The following MGAT4C variants were observed in gnomAD, a reference collection of about 807,000 sequenced individuals.
MGAT4C encodes MGAT4 family member C.
Under a neutral mutation model 40.1 loss-of-function variants are expected in MGAT4C, and 19 were observed. That is an observed-to-expected ratio of 0.47 (90% CI 0.33 to 0.70). The LOEUF is 0.70. Ranked by LOEUF, MGAT4C falls within the 30% of genes least tolerant of loss-of-function variation. MGAT4C has a pLI of 0.02. For synonymous variants in MGAT4C, 181 were observed against 187.1 expected, an observed-to-expected ratio of 0.97 and a Z score of 0.27; for missense variants, 491 against 563.2, an observed-to-expected ratio of 0.87 and a Z score of 1.30.
Position 85,983,507 on chromosome 12 carries a change from G to T in MGAT4C, c.295+16C>A. ...TATTTTATGTATTCTTTATTTAAAT[G>T]TTTAAGGATACTTACGCTTTCTTTG... On this transcript the variant is annotated intron_variant, in intron 4 of 4. Coordinates refer to ENST00000611864, the MANE Select transcript of MGAT4C (RefSeq NM_001351288.2). The T allele has an allele frequency of 6.6e-7, 1 of 1,523,526 alleles. No homozygotes were observed. The highest frequency in any genetic ancestry group is 8.8e-7 in the Non-Finnish European group (1 of 1,138,030). The allele number at this position is 1,523,526 out of a possible 1,614,324, so 94.4% of individuals were successfully genotyped here. A position where few individuals can be genotyped will look rare whatever the true frequency, so the allele number is the denominator to read the frequency against.
chr12:86,489,502 C>G (rs939833812), intron 2 of MGAT4C, among the ~76,000 whole-genome samples: 1 of 152,210 alleles, frequency 6.6e-6, no homozygotes, highest in African/African-American at 2.4e-5. Flanking sequence ...AGGCAAAGGG[C>G]CTATTGAGCT....
chr12:86,493,854 G>T (rs377527871), intron 2 of MGAT4C, among the ~76,000 whole-genome samples: 1 of 151,926 alleles, frequency 6.6e-6, no homozygotes, highest in African/African-American at 2.4e-5. Flanking sequence ...CAGCACCTGT[G>T]CTTATAGAAA....
At chr12:86,750,371 T>A (rs1951216050) in intron 1 of MGAT4C, among the ~76,000 whole-genome samples, 1 of 151,880 alleles carries the variant, frequency 6.6e-6, no homozygotes, top group South Asian at 2.1e-4. Context: ...TTGAATATCA[T>A]TAGTCACGGG....
chr12:86,277,076 A>G (rs556077474), intron 4 of MGAT4C, among the ~76,000 whole-genome samples: 2 of 152,144 alleles, frequency 1.3e-5, no homozygotes, highest in Non-Finnish European at 2.9e-5. Flanking sequence ...CCCTTTCTCT[A>G]TATCCTCTTT....
intron 4 of MGAT4C, among the ~76,000 whole-genome samples, chr12:86,265,965 C>T (rs193269073): frequency 6.6e-6 from 1 of 152,294 alleles, no homozygotes; most frequent in East Asian, 1.9e-4. Context: ...CATAGAAACA[C>T]TACTGATTTT....
intron 4 of MGAT4C, among the ~76,000 whole-genome samples, chr12:86,307,189 G>C (rs1372958703): frequency 7.3e-6 from 1 of 136,542 alleles, no homozygotes; most frequent in Non-Finnish European, 1.5e-5. Flanking sequence ...AAAAGGTTCT[G>C]CTAAATGTCT....
At chr12:86,632,306 G>A (rs187442737) in intron 2 of MGAT4C, among the ~76,000 whole-genome samples, 13 of 152,022 alleles carry the variant, frequency 8.6e-5, no homozygotes, top group Admixed American at 8.5e-4. Context: ...ACACTGTTGG[G>A]GGGACTGTAA....
intron 2 of MGAT4C, among the ~76,000 whole-genome samples, chr12:86,483,895 A>C (rs563110299): frequency 6.7e-6 from 1 of 149,684 alleles, no homozygotes; most frequent in South Asian, 2.2e-4. Context: ...TATCAAGTAC[A>C]CCAACATATT....
chr12:86,216,269 A>G (rs528059933), intron 1 of MGAT4C, among the ~76,000 whole-genome samples: 1 of 152,346 alleles, frequency 6.6e-6, no homozygotes, highest in Admixed American at 6.5e-5. Flanking sequence ...ATAGAATCAG[A>G]AACACCAAGA....
At chr12:86,502,448 C>A (rs545028617) in intron 2 of MGAT4C, among the ~76,000 whole-genome samples, 1 of 151,814 alleles carries the variant, frequency 6.6e-6, no homozygotes, top group African/African-American at 2.4e-5. Flanking sequence ...ATACAGTTGT[C>A]AAAATCCATA....
At chr12:86,382,065 T>C (rs541069904) in intron 3 of MGAT4C, among the ~76,000 whole-genome samples, 2 of 152,286 alleles carry the variant, frequency 1.3e-5, no homozygotes, top group South Asian at 4.1e-4. Context: ...ACTTTGGAAC[T>C]GGGTAATAGG....
Position 86,571,035 on chromosome 12 carries a change from G to A in MGAT4C, c.-228-135770C>T, listed in dbSNP as rs139445679. ...TCCCCATATTGCCCAGGCTGGTTTC[G>A]AACTCCTGACCTCAAGTGATCCACC... is the stretch of plus-strand genomic sequence containing the variant. On this transcript the variant is annotated intron_variant, in intron 2 of 7. Transcript: ENST00000548651. Among the ~76,000 whole-genome samples, 842 of 152,038 alleles carry A rather than the reference G, an allele frequency of 5.5e-3. 4 individuals carry two copies. The highest frequency in any genetic ancestry group is 9.1e-3 in the Non-Finnish European group (618 of 67,982).
At chr12:86,628,817 GC>G (rs1337118975) in intron 2 of MGAT4C, among the ~76,000 whole-genome samples, 3 of 152,066 alleles carry the variant, frequency 2.0e-5, no homozygotes, top group Non-Finnish European at 4.4e-5. Context: ...CACCATTGAC[GC>G]TAGGAAGAAA....
chr12:86,226,696 T>A (rs1410410229), intron 1 of MGAT4C, among the ~76,000 whole-genome samples: 1 of 151,952 alleles, frequency 6.6e-6, no homozygotes, highest in Non-Finnish European at 1.5e-5. Context: ...CTAAAACCAG[T>A]TCTCCTACTT....
chr12:86,185,288 G>T (rs554110780), intron 1 of MGAT4C, among the ~76,000 whole-genome samples: 2 of 152,114 alleles, frequency 1.3e-5, no homozygotes, highest in Admixed American at 1.3e-4. Context: ...ATTTTGGTAA[G>T]TAATTTAACC....
chr12:86,560,023 A>C (rs1220776637), intron 2 of MGAT4C, among the ~76,000 whole-genome samples: 2 of 152,028 alleles, frequency 1.3e-5, no homozygotes, highest in African/African-American at 2.4e-5. Context: ...GAACAGCTAC[A>C]AACTAACAAA....
At chr12:86,833,120 A>G (rs1161623572) in intron 1 of MGAT4C, among the ~76,000 whole-genome samples, 1 of 151,892 alleles carries the variant, frequency 6.6e-6, no homozygotes, top group Non-Finnish European at 1.5e-5. Context: ...ATCTTGTGCC[A>G]TAAAACGGAA....
intron 1 of MGAT4C, among the ~76,000 whole-genome samples, chr12:86,812,201 T>A (rs1178432857): frequency 6.6e-6 from 1 of 152,138 alleles, no homozygotes; most frequent in Admixed American, 6.6e-5. Flanking sequence ...TTTATTGAGA[T>A]TTATTTTATG....
chr12:86,128,672 CA>C (rs1385403145), intron 1 of MGAT4C, among the ~76,000 whole-genome samples: 11 of 152,194 alleles, frequency 7.2e-5, no homozygotes, highest in African/African-American at 2.2e-4. Context: ...AAATGCAGCT[CA>C]ATAAGCTACA....
Sources: allele counts gnomAD v4.1 joint callset (sites outside exome capture counted in the v4.1 genomes callset), GRCh38; gene constraint gnomAD v4.1.1; transcripts MANE v1.5; gene names NCBI Gene and HGNC (gene_info 2026-07-23, HGNC 2026-07-21).